Variants in ST6GALNAC5 observed in about 807,000 individuals in gnomAD.
The protein encoded by ST6GALNAC5 is ST6 N-acetylgalactosaminide alpha-2,6-sialyltransferase 5.
A neutral mutation model predicts 33.6 loss-of-function variants in ST6GALNAC5; 27 were observed. The ratio of observed to expected loss-of-function variants is 0.80; its 90% CI spans 0.59 to 1.11. The LOEUF (loss-of-function observed/expected upper bound fraction) is 1.11, where lower values mean the gene tolerates loss of function less well. Ranked by LOEUF, ST6GALNAC5 falls within the 50% of genes least tolerant of loss-of-function variation. ST6GALNAC5 has a pLI of 0.00. For synonymous variants in ST6GALNAC5, 194 were observed against 171.2 expected, an observed-to-expected ratio of 1.13 and a Z score of -1.04; for missense variants, 428 against 454.0, an observed-to-expected ratio of 0.94 and a Z score of 0.52.
chr1:76,910,718 A>G lies in ST6GALNAC5; in HGVS notation c.261+41976A>G, dbSNP rs539537736. On this transcript the variant is annotated intron_variant, in intron 2 of 4. Transcript: ENST00000477717. ...TACTGTGAATAAGATGCATATTATC[A>G]ATATTAACGTCTGCATCCATACAGT... is the stretch of plus-strand genomic sequence containing the variant. Among the ~76,000 whole-genome samples the G allele has an allele frequency of 3.3e-4, 50 of 152,184 alleles. No individual in the cohort carries two copies. In the South Asian group the frequency reaches 0.01, roughly 32 times the overall value.
At chr1:77,013,258 T>G (rs997425369) in intron 2 of ST6GALNAC5, among the ~76,000 whole-genome samples, 1 of 152,136 alleles carries the variant, frequency 6.6e-6, no homozygotes, top group African/African-American at 2.4e-5. Context: ...TCAGACTCTG[T>G]TTCTGAAGCC....
At chr1:77,011,150 G>A (rs906196128) in intron 2 of ST6GALNAC5, among the ~76,000 whole-genome samples, 9 of 146,962 alleles carry the variant, frequency 6.1e-5, no homozygotes, top group African/African-American at 2.3e-4. Context: ...CACAACAGAA[G>A]CAGTAACATG....
intron 2 of ST6GALNAC5, among the ~76,000 whole-genome samples, chr1:77,027,971 A>G (rs151337198): frequency 0.025 from 3,762 of 152,262 alleles, 88 homozygotes; most frequent in Non-Finnish European, 0.04. Context: ...TATTTTTGAG[A>G]TAAACATCAC....
chr1:77,062,481 G>A (rs1279891527), intron 4 of ST6GALNAC5, among the ~76,000 whole-genome samples: 1 of 152,120 alleles, frequency 6.6e-6, no homozygotes, highest in East Asian at 1.9e-4. Flanking sequence ...AGTATGGTGG[G>A]AACATACTGG....
chr1:76,932,206 A>T (rs2100311390), intron 2 of ST6GALNAC5, among the ~76,000 whole-genome samples: 1 of 152,250 alleles, frequency 6.6e-6, no homozygotes, highest in East Asian at 1.9e-4. Flanking sequence ...TGGCCTTGAC[A>T]AGTTACCAGA....
intron 2 of ST6GALNAC5, among the ~76,000 whole-genome samples, chr1:77,037,465 A>G (rs1304616839): frequency 1.3e-5 from 2 of 152,162 alleles, no homozygotes; most frequent in Non-Finnish European, 2.9e-5. Context: ...TACATTTGTG[A>G]TGGGATCATT....
chr1:76,956,100 G>A (rs764853383), intron 2 of ST6GALNAC5, among the ~76,000 whole-genome samples: 12 of 152,144 alleles, frequency 7.9e-5, no homozygotes, highest in Admixed American at 3.9e-4. Flanking sequence ...CTAAAAAAGG[G>A]AAAATAAAAC....
chr1:77,046,191 G>C (rs1652002564), intron 3 of ST6GALNAC5, among the ~76,000 whole-genome samples: 1 of 152,172 alleles, frequency 6.6e-6, no homozygotes, highest in Non-Finnish European at 1.5e-5. Context: ...GAGGCAAGAG[G>C]ATGGCTTGAG....
At chr1:76,913,497 A>G (rs1287577770) in intron 2 of ST6GALNAC5, among the ~76,000 whole-genome samples, 1 of 152,056 alleles carries the variant, frequency 6.6e-6, no homozygotes, top group Non-Finnish European at 1.5e-5. Context: ...TCTCCTGGAT[A>G]ATACCCTGCA....
At chr1:77,045,727 A>G (rs1450385761) in intron 3 of ST6GALNAC5, among the ~76,000 whole-genome samples, 2 of 152,144 alleles carry the variant, frequency 1.3e-5, no homozygotes, top group Admixed American at 6.5e-5. Flanking sequence ...GAGAACATGC[A>G]GTGGGTTGGA....
intron 2 of ST6GALNAC5, among the ~76,000 whole-genome samples, chr1:76,955,999 T>A (rs1327940113): frequency 1.3e-5 from 2 of 152,198 alleles, no homozygotes; most frequent in African/African-American, 4.8e-5. Flanking sequence ...GAGTAAGAGG[T>A]ACATGGTTAG....
intron 2 of ST6GALNAC5, among the ~76,000 whole-genome samples, chr1:77,016,025 C>T (rs938260114): frequency 6.6e-6 from 1 of 151,422 alleles, no homozygotes; most frequent in African/African-American, 2.4e-5. Context: ...CCCTCCTCCA[C>T]CTCCTCCTCC....
At chr1:77,010,038 A>C (rs949699824) in intron 2 of ST6GALNAC5, among the ~76,000 whole-genome samples, 10 of 152,176 alleles carry the variant, frequency 6.6e-5, no homozygotes, top group Non-Finnish European at 8.8e-5. Context: ...CCATGAAGTG[A>C]CAGCACTATA....
chr1:76,910,984 G>A (rs879891397), intron 2 of ST6GALNAC5, among the ~76,000 whole-genome samples: 1 of 151,972 alleles, frequency 6.6e-6, no homozygotes, highest in Admixed American at 6.6e-5. Context: ...AATTTCATGT[G>A]CACTGAGAGA....
chr1:76,972,416 C>A (rs1390212197), intron 2 of ST6GALNAC5, among the ~76,000 whole-genome samples: 1 of 152,146 alleles, frequency 6.6e-6, no homozygotes, highest in Non-Finnish European at 1.5e-5. Flanking sequence ...TGTTACTACT[C>A]TTCCATTTTT....
intron 2 of ST6GALNAC5, among the ~76,000 whole-genome samples, chr1:77,036,169 A>G (rs1413866372): frequency 6.6e-6 from 1 of 152,134 alleles, no homozygotes; most frequent in East Asian, 1.9e-4. Flanking sequence ...GACACAAAAG[A>G]CTATATATTT....
chr1:77,028,405 C>T (rs932401940), intron 2 of ST6GALNAC5, among the ~76,000 whole-genome samples: 8 of 151,900 alleles, frequency 5.3e-5, no homozygotes, highest in African/African-American at 1.9e-4. Flanking sequence ...CCTCACTGTA[C>T]TCTTATTAGA....
Position 77,066,778 on chromosome 1 carries a change from T to C in ST6GALNAC5, c.*3572T>C, listed in dbSNP as rs1323488869. Among the ~76,000 whole-genome samples the C allele has an allele frequency of 6.6e-6, 1 of 152,238 alleles. No homozygotes were observed. The highest frequency in any genetic ancestry group is 1.5e-5 in the Non-Finnish European group (1 of 68,046). On this transcript the variant is annotated 3_prime_UTR_variant, in exon 5 of 5. Coordinates refer to ENST00000477717, the MANE Select transcript of ST6GALNAC5 (RefSeq NM_030965.3). The stretch of plus-strand genomic sequence containing the variant: ...TCATTTCTTCCATTCTCATTGCTTC[T>C]CTCTTAAACCTCATTGTATCTCTTT...
intron 2 of ST6GALNAC5, among the ~76,000 whole-genome samples, chr1:77,022,173 A>G (rs1477062462): frequency 2.0e-5 from 3 of 152,204 alleles, no homozygotes; most frequent in African/African-American, 4.8e-5. Context: ...CCATAAAAGC[A>G]GAAAATTAAG....
Sources: allele counts gnomAD v4.1 joint callset (sites outside exome capture counted in the v4.1 genomes callset), GRCh38; gene constraint gnomAD v4.1.1; transcripts MANE v1.5; gene names NCBI Gene and HGNC (gene_info 2026-07-23, HGNC 2026-07-21).